Variants in ATF7IP observed in about 807,000 individuals in gnomAD.
ATF7IP encodes the protein activating transcription factor 7-interacting protein 1.
In ATF7IP, 23 loss-of-function variants were observed where a neutral mutation model predicts 106.4. The observed-to-expected ratio is 0.22, with a 90% CI of 0.16 to 0.31. The LOEUF (loss-of-function observed/expected upper bound fraction) is 0.31, where lower values mean the gene tolerates loss of function less well. Among genes scored for constraint, ATF7IP ranks in the 10% least tolerant of loss-of-function variants. The pLI is 1.00. For missense variants in ATF7IP, 1,334 were observed against 1,524.3 expected (o/e 0.88, Z 2.08); for synonymous variants, 542 against 539.0 (o/e 1.01, Z -0.08).
At chr12:14,443,719 G>C (rs531120508) in intron 5 of ATF7IP, among the ~76,000 whole-genome samples, 1 of 152,218 alleles carries the variant, frequency 6.6e-6, no homozygotes, top group South Asian at 2.1e-4. Context: ...GTCAGTCTTG[G>C]GCAATACAGT....
chr12:14,389,208 C>T (rs1939410957), intron 1 of ATF7IP, among the ~76,000 whole-genome samples: 1 of 152,160 alleles, frequency 6.6e-6, no homozygotes, highest in African/African-American at 2.4e-5. Flanking sequence ...AACTCATGCT[C>T]AGAAGCAAGA....
intron 1 of ATF7IP, among the ~76,000 whole-genome samples, chr12:14,377,314 T>G (rs1938786391): frequency 6.6e-6 from 1 of 151,574 alleles, no homozygotes; most frequent in South Asian, 2.1e-4. Context: ...TTTTTAAATT[T>G]CACATTTCCA....
intron 1 of ATF7IP, among the ~76,000 whole-genome samples, chr12:14,381,270 C>T (rs750615918): frequency 6.6e-6 from 1 of 152,134 alleles, no homozygotes; most frequent in Non-Finnish European, 1.5e-5. Flanking sequence ...CTCATTCGGT[C>T]GCCTAGGCTG....
chr12:14,448,263 TTC>T (rs1485753167), intron 6 of ATF7IP, among the ~76,000 whole-genome samples: 1 of 152,174 alleles, frequency 6.6e-6, no homozygotes, highest in African/African-American at 2.4e-5. Flanking sequence ...TTCCCCTAGC[TTC>T]CCCTGAGTGG....
intron 1 of ATF7IP, among the ~76,000 whole-genome samples, chr12:14,374,278 T>A (rs1051885420): frequency 4.1e-5 from 6 of 146,720 alleles, no homozygotes; most frequent in African/African-American, 1.5e-4. Context: ...TGTAATTTTT[T>A]TTTTTTTTTT....
intron 6 of ATF7IP, among the ~76,000 whole-genome samples, chr12:14,447,281 CTTTT>C (rs58719124): frequency 7.2e-4 from 63 of 87,800 alleles, no homozygotes; most frequent in Non-Finnish European, 8.4e-4. Flanking sequence ...TTATGCAATT[CTTTT>C]TTTTTTTTTT....
intron 1 of ATF7IP, among the ~76,000 whole-genome samples, chr12:14,379,284 G>T (rs1251998528): frequency 6.6e-6 from 1 of 151,842 alleles, no homozygotes; most frequent in Non-Finnish European, 1.5e-5. Context: ...CTCCCCCTTT[G>T]CCTTCCATCA....
In ATF7IP at chr12:14,478,327, A is replaced by T. The variant is rs772750802; in HGVS notation, c.2952A>T (p.Lys984Asn). ...ACTTTTAACTAACAGACCCCAAAAA[A>T]CTAAATCACACTCCTGTATCAACCA... Reference protein sequence around the residue: ...EESGASQDPKKLNHTPVSTMS... With the variant: ...EESGASQDPKNLNHTPVSTMS... The change falls in exon 12 of 15, where the codon AAA becomes AAT. Residue 984 changes from lysine to asparagine, a missense_variant. Transcript: ENST00000261168. 1 of 1,613,684 alleles carries T rather than the reference A, an allele frequency of 6.2e-7. No homozygotes were observed. Among genetic ancestry groups the T allele is most frequent in the Non-Finnish European group, 8.5e-7 (1 of 1,179,792 alleles).
At chr12:14,468,675 T>C (rs1020617480) in intron 10 of ATF7IP, among the ~76,000 whole-genome samples, 1 of 152,194 alleles carries the variant, frequency 6.6e-6, no homozygotes, top group African/African-American at 2.4e-5. Flanking sequence ...AAGCAATGCC[T>C]TATCAAAAAT....
intron 2 of ATF7IP, among the ~76,000 whole-genome samples, chr12:14,427,921 T>TA (rs1941939456): frequency 6.6e-6 from 1 of 152,094 alleles, no homozygotes; most frequent in Admixed American, 6.6e-5. Context: ...ATCAATAATG[T>TA]AAGAGAAGCA....
At chr12:14,412,669 C>T (rs537091708) in intron 1 of ATF7IP, among the ~76,000 whole-genome samples, 2 of 151,994 alleles carry the variant, frequency 1.3e-5, no homozygotes, top group African/African-American at 4.8e-5. Context: ...TTTCTATATA[C>T]AAGATTTTGT....
chr12:14,442,370 C>A (rs1022439601), intron 5 of ATF7IP, among the ~76,000 whole-genome samples: 1 of 152,164 alleles, frequency 6.6e-6, no homozygotes, highest in African/African-American at 2.4e-5. Flanking sequence ...GGCAACCGTT[C>A]TACCCACATT....
chr12:14,474,327 CT>C (rs563636517), intron 10 of ATF7IP, among the ~76,000 whole-genome samples: 65 of 144,658 alleles, frequency 4.5e-4, no homozygotes, highest in Non-Finnish European at 8.0e-4. Flanking sequence ...TTTATTATTT[CT>C]TTTTTTTTCA....
intron 1 of ATF7IP, among the ~76,000 whole-genome samples, chr12:14,423,064 C>T (rs1411939587): frequency 6.6e-6 from 1 of 152,170 alleles, no homozygotes; most frequent in East Asian, 1.9e-4. Context: ...TCATTATTCT[C>T]GTTGATTGTA....
intron 13 of ATF7IP, among the ~76,000 whole-genome samples, chr12:14,491,184 C>T (rs1448986031): frequency 6.6e-6 from 1 of 152,150 alleles, no homozygotes; most frequent in African/African-American, 2.4e-5. Context: ...TGCTGCAGAG[C>T]CTTCTCCTGT....
intron 1 of ATF7IP, among the ~76,000 whole-genome samples, chr12:14,392,573 T>G (rs1472725668): frequency 1.3e-5 from 2 of 152,234 alleles, no homozygotes; most frequent in East Asian, 3.8e-4. Flanking sequence ...GCATATAAGA[T>G]CCTTGCTCTC....
At chr12:14,416,932 A>T in intron 1 of ATF7IP, 2 of 985,354 alleles carry the variant, frequency 2.0e-6, no homozygotes, top group Non-Finnish European at 2.4e-6. Context: ...GTATGGCTGC[A>T]GCAAGCTCCC....
At chr12:14,426,202 CTT>C (rs1220588757) in intron 2 of ATF7IP, among the ~76,000 whole-genome samples, 1 of 152,116 alleles carries the variant, frequency 6.6e-6, no homozygotes, top group Admixed American at 6.5e-5. Context: ...TCTCCCATCT[CTT>C]TTATTTTATT....
chr12:14,430,860 A>C (rs1942082220), intron 2 of ATF7IP, among the ~76,000 whole-genome samples: 1 of 152,230 alleles, frequency 6.6e-6, no homozygotes, highest in African/African-American at 2.4e-5. Flanking sequence ...TACATGTCAC[A>C]TAGCACTTAT....
Sources: gnomAD v4.1 joint callset for allele counts (sites outside exome capture counted in the v4.1 genomes callset) on GRCh38, gnomAD v4.1.1 for gene constraint, MANE v1.5 for transcripts, NCBI Gene and HGNC (gene_info 2026-07-23, HGNC 2026-07-21) for gene names.